Variants in STPG2 observed in about 807,000 individuals in gnomAD.
The protein encoded by STPG2 is sperm tail PG-rich repeat containing 2.
Under a neutral mutation model 54.2 loss-of-function variants are expected in STPG2, and 56 were observed. That is an observed-to-expected ratio of 1.03 (90% CI 0.83 to 1.29). The LOEUF is 1.29. Among genes scored for constraint, STPG2 ranks in the 50% most tolerant of loss-of-function variants. STPG2 has a pLI of 0.00. For synonymous variants in STPG2, 200 were observed against 181.8 expected, an observed-to-expected ratio of 1.10 and a Z score of -0.81; for missense variants, 596 against 544.9, an observed-to-expected ratio of 1.09 and a Z score of -0.93.
chr4:98,022,213 G>A (rs1028003646), intron 5 of STPG2, among the ~76,000 whole-genome samples: 1 of 152,012 alleles, frequency 6.6e-6, no homozygotes, highest in Non-Finnish European at 1.5e-5. Flanking sequence ...GGCAGGTCTG[G>A]TGGTGACAAA....
At chr4:97,982,856 G>T (rs1284275295) in intron 5 of STPG2, among the ~76,000 whole-genome samples, 1 of 152,096 alleles carries the variant, frequency 6.6e-6, no homozygotes, top group Non-Finnish European at 1.5e-5. Context: ...GTGATGTGTG[G>T]CTTTCCCAGG....
intron 5 of STPG2, among the ~76,000 whole-genome samples, chr4:98,019,402 A>C (rs10015064): frequency 0.39 from 58,965 of 150,504 alleles, 11,797 homozygotes; most frequent in Middle Eastern, 0.45. Context: ...CAGTACCATG[A>C]TGTTTTGGTT....
At chr4:97,831,733 T>C (rs976086211) in intron 9 of STPG2, among the ~76,000 whole-genome samples, 6 of 152,146 alleles carry the variant, frequency 3.9e-5, no homozygotes, top group Non-Finnish European at 2.9e-5. Context: ...CAGAGAATAC[T>C]ATAAATGCCT....
intron 9 of STPG2, among the ~76,000 whole-genome samples, chr4:97,726,491 G>A (rs1171348440): frequency 6.6e-6 from 1 of 151,876 alleles, no homozygotes; most frequent in Non-Finnish European, 1.5e-5. Flanking sequence ...CCAGATAACT[G>A]TGTAAGAAAG....
chr4:97,615,696 T>C (rs556815217), intron 10 of STPG2, among the ~76,000 whole-genome samples: 79 of 152,112 alleles, frequency 5.2e-4, no homozygotes, highest in African/African-American at 1.9e-3. Context: ...TGCAGAAATG[T>C]TGGAATGGTT....
chr4:97,884,011 G>A (rs1012730199), intron 8 of STPG2, among the ~76,000 whole-genome samples: 11 of 151,966 alleles, frequency 7.2e-5, no homozygotes, highest in Non-Finnish European at 1.0e-4. Flanking sequence ...TGCGGGGGTG[G>A]GGAGAAGTGC....
chr4:97,464,935 A>G (rs533253520), intron 4 of STPG2, among the ~76,000 whole-genome samples: 1 of 152,260 alleles, frequency 6.6e-6, no homozygotes, highest in African/African-American at 2.4e-5. Context: ...TTCAGCTGGA[A>G]TAGTTTCAGA....
At chr4:97,985,072 C>A (rs1022343197) in intron 5 of STPG2, among the ~76,000 whole-genome samples, 2 of 151,870 alleles carry the variant, frequency 1.3e-5, no homozygotes, top group African/African-American at 4.8e-5. Flanking sequence ...CATATATGTT[C>A]TTTTGAGTTG....
chr4:97,757,526 A>G (rs999595946), intron 9 of STPG2, among the ~76,000 whole-genome samples: 1 of 152,202 alleles, frequency 6.6e-6, no homozygotes, highest in African/African-American at 2.4e-5. Context: ...AGGTCACTCA[A>G]TGCATTCCAG....
chr4:97,532,169 G>A (rs945489826), intron 4 of STPG2, among the ~76,000 whole-genome samples: 2 of 151,988 alleles, frequency 1.3e-5, no homozygotes, highest in Non-Finnish European at 2.9e-5. Context: ...AGACTTTTAT[G>A]TTATTTTAAT....
intron 4 of STPG2, among the ~76,000 whole-genome samples, chr4:97,550,060 TTAAAG>T (rs1268047892): frequency 3.9e-5 from 6 of 152,284 alleles, no homozygotes; most frequent in African/African-American, 1.4e-4. Context: ...AAGATGTATA[TTAAAG>T]TATTTTTAAC....
intron 7 of STPG2, among the ~76,000 whole-genome samples, chr4:97,968,514 G>A (rs564421219): frequency 1.3e-5 from 2 of 152,146 alleles, no homozygotes; most frequent in African/African-American, 2.4e-5. Flanking sequence ...TATCCCTGAT[G>A]AACATCAATG....
At chr4:97,857,454 T>C (rs1379528776) in intron 8 of STPG2, among the ~76,000 whole-genome samples, 1 of 152,194 alleles carries the variant, frequency 6.6e-6, no homozygotes, top group East Asian at 1.9e-4. Flanking sequence ...CATAAAGGTG[T>C]TTATAGTATT....
intron 8 of STPG2, among the ~76,000 whole-genome samples, chr4:97,843,127 G>C (rs1192614049): frequency 6.6e-6 from 1 of 151,800 alleles, no homozygotes; most frequent in African/African-American, 2.4e-5. Flanking sequence ...AAATAAAGAA[G>C]GGACATGAAG....
intron 6 of STPG2, among the ~76,000 whole-genome samples, chr4:97,980,079 AGAAGGCT>A (rs1474296504): frequency 6.6e-6 from 1 of 152,118 alleles, no homozygotes; most frequent in Non-Finnish European, 1.5e-5. Context: ...CCAGCTACTC[AGAAGGCT>A]GAAGCAGGAG....
intron 10 of STPG2, among the ~76,000 whole-genome samples, chr4:97,628,314 C>A (rs1388742012): frequency 2.0e-5 from 3 of 152,050 alleles, no homozygotes; most frequent in African/African-American, 7.2e-5. Flanking sequence ...AAATTGATTG[C>A]ATGAGTCTAT....
chr4:97,735,221 T>G (rs915802280), intron 9 of STPG2, among the ~76,000 whole-genome samples: 2 of 151,862 alleles, frequency 1.3e-5, no homozygotes, highest in Non-Finnish European at 2.9e-5. Flanking sequence ...GTTATATATA[T>G]AGATATATAG....
chr4:98,065,263 G>GTT (rs1737798315), intron 5 of STPG2, among the ~76,000 whole-genome samples: 2 of 151,996 alleles, frequency 1.3e-5, no homozygotes, highest in South Asian at 4.2e-4. Context: ...ACTGACAAGG[G>GTT]TGGAAGGCAA....
chr4:98,107,941 GACTT>G (rs982624346), intron 4 of STPG2, among the ~76,000 whole-genome samples: 6 of 151,946 alleles, frequency 3.9e-5, no homozygotes, highest in Non-Finnish European at 7.4e-5. Flanking sequence ...ATTAAGTAAA[GACTT>G]AATTAAGCTA....
Sources: allele counts gnomAD v4.1 joint callset (sites outside exome capture counted in the v4.1 genomes callset), GRCh38; gene constraint gnomAD v4.1.1; transcripts MANE v1.5; gene names NCBI Gene and HGNC (gene_info 2026-07-23, HGNC 2026-07-21).